Variants in DNAJC25 observed in about 807,000 individuals in gnomAD.
DNAJC25 encodes the protein DnaJ heat shock protein family (Hsp40) member C25, also known as dnaJ homolog subfamily C member 25.
Under a neutral mutation model 42.1 loss-of-function variants are expected in DNAJC25, and 26 were observed. The ratio of observed to expected loss-of-function variants is 0.62; its 90% CI spans 0.45 to 0.86. DNAJC25 has a LOEUF of 0.86. DNAJC25 is among the 40% of genes least tolerant of loss of function. DNAJC25 has a pLI of 0.00. For synonymous variants in DNAJC25, 189 were observed against 179.9 expected (o/e 1.05, Z -0.40); for missense variants, 404 against 459.4 (o/e 0.88, Z 1.10).
intron 2 of DNAJC25, 132 bp downstream of exon 2, chr9:111,647,391 T>C (rs1278408536): frequency 6.0e-6 from 7 of 1,162,928 alleles, no homozygotes; most frequent in Admixed American, 2.5e-5. Flanking sequence ...GTTTTAGTCA[T>C]TGGCAATGTT....
chr9:111,641,680 G>C (rs1830471455), intron 1 of DNAJC25, among the ~76,000 whole-genome samples: 3 of 141,118 alleles, frequency 2.1e-5, no homozygotes, highest in Non-Finnish European at 3.1e-5. Flanking sequence ...GAGGTGGGGG[G>C]GGGGTCAGCC....
intron 1 of DNAJC25, among the ~76,000 whole-genome samples, chr9:111,645,281 G>C (rs149711922): frequency 0.013 from 1,942 of 149,346 alleles, 19 homozygotes; most frequent in Non-Finnish European, 0.019. Context: ...TGGAGACAGA[G>C]TCTCGCTCTG....
At chr9:111,643,012 T>C in intron 1 of DNAJC25, 1 of 444,840 alleles carries the variant, frequency 2.2e-6, no homozygotes, top group Non-Finnish European at 4.7e-6. Context: ...GGTTTTGGTT[T>C]TGGAAAGAAG....
intron 1 of DNAJC25, 39 bp from the exon 2 acceptor site, chr9:111,647,068 G>T: frequency 6.3e-7 from 1 of 1,577,694 alleles, no homozygotes; most frequent in Middle Eastern, 1.9e-4. Flanking sequence ...GCCATTTAAT[G>T]GACTGTCCTA....
chr9:111,645,035 G>A (rs1259966914), intron 1 of DNAJC25, among the ~76,000 whole-genome samples: 1 of 152,202 alleles, frequency 6.6e-6, no homozygotes, highest in Non-Finnish European at 1.5e-5. Context: ...TTTGACTGAA[G>A]AGAACATACA....
chr9:111,636,455 C>T (rs1027129114), intron 1 of DNAJC25, among the ~76,000 whole-genome samples: 12 of 152,090 alleles, frequency 7.9e-5, no homozygotes, highest in South Asian at 6.2e-4. Context: ...TCATAGTAAT[C>T]GAATAATCAT....
At chr9:111,637,471 ATTC>A (rs1291720578) in intron 1 of DNAJC25, among the ~76,000 whole-genome samples, 1 of 152,198 alleles carries the variant, frequency 6.6e-6, no homozygotes, top group Non-Finnish European at 1.5e-5. Flanking sequence ...TTCTTCTGTC[ATTC>A]TTCTTCTGGA....
intron 1 of DNAJC25, among the ~76,000 whole-genome samples, chr9:111,642,603 C>A (rs370808184): frequency 4.6e-5 from 5 of 109,264 alleles, no homozygotes; most frequent in African/African-American, 2.3e-4. Flanking sequence ...CAAGAATTAT[C>A]AATAAATAAA....
chr9:111,631,366 T>C lies in DNAJC25; in HGVS notation c.-42T>C, dbSNP rs1039994661. On this transcript the variant is annotated 5_prime_UTR_variant, in exon 1 of 4. Transcript: ENST00000313525. Reference sequence around the variant, plus strand: ...ACTAGCCGGGCGCGCGGCTGAGTGCTGCAGAATCGCTGGGGTGGCAGAGCC... The same window carrying C: ...ACTAGCCGGGCGCGCGGCTGAGTGCCGCAGAATCGCTGGGGTGGCAGAGCC... 18 of 1,271,730 alleles carry C rather than the reference T, an allele frequency of 1.4e-5. No individual in the cohort carries two copies. In the African/African-American group the frequency reaches 2.5e-4, roughly 18 times the overall value. 78.8% of individuals were successfully genotyped at this position (1,271,730 alleles called of 1,614,324 possible). A position where few individuals can be genotyped will look rare whatever the true frequency, so the allele number is the denominator to read the frequency against.
chr9:111,635,454 C>T (rs78092736), intron 1 of DNAJC25, among the ~76,000 whole-genome samples: 10,210 of 152,076 alleles, frequency 0.067, 408 homozygotes, highest in African/African-American at 0.097. Flanking sequence ...GTAAATTGGA[C>T]GGTTATGAGT....
intron 3 of DNAJC25, among the ~76,000 whole-genome samples, chr9:111,651,908 CTG>C (rs1278751164): frequency 1.3e-5 from 2 of 150,680 alleles, no homozygotes; most frequent in Non-Finnish European, 2.9e-5. Context: ...AGTTTTAACT[CTG>C]TGGTTTATTT....
In DNAJC25 at chr9:111,649,567, A is replaced by C; in HGVS notation, c.604A>C (p.Lys202Gln). 6.2e-7 allele frequency: 1 copy of C among 1,614,168 alleles called. No individual in the cohort carries two copies. Among genetic ancestry groups the C allele is most frequent in the Non-Finnish European group, 8.5e-7 (1 of 1,180,014 alleles). Residue 202 changes from lysine (K) to glutamine (Q), a missense_variant, in exon 3 of 4, where the codon AAA (lysine) becomes CAA (glutamine). Transcript: ENST00000313525. ...GCAGCAGGGACTGCTCAAAAAAGCC[A>C]AAGAAAAAGGCAAAAACAAAAAGTC... ...AKQQGLLKKA[K>Q]EKGKNKKSKE...
At chr9:111,646,922 T>C (rs1830575071) in intron 1 of DNAJC25, 185 bp from the exon 2 acceptor site, 1 of 514,856 alleles carries the variant, frequency 1.9e-6, no homozygotes, top group East Asian at 3.5e-5. Flanking sequence ...ATATCTAACA[T>C]TGAAGTTCTG....
At chr9:111,652,796 C>T (rs1373606715) in intron 3 of DNAJC25, among the ~76,000 whole-genome samples, 3 of 152,080 alleles carry the variant, frequency 2.0e-5, no homozygotes, top group Admixed American at 2.0e-4. Context: ...ATCCACCCGC[C>T]TTGGCCTCCC....
At chr9:111,639,920 C>T (rs1240401950) in intron 1 of DNAJC25, among the ~76,000 whole-genome samples, 1 of 140,928 alleles carries the variant, frequency 7.1e-6, no homozygotes, top group Non-Finnish European at 1.5e-5. Context: ...CTCTCCCTCT[C>T]CCTCTCCCTC....
intron 1 of DNAJC25, among the ~76,000 whole-genome samples, chr9:111,633,657 A>G (rs1191324377): frequency 1.3e-5 from 2 of 152,102 alleles, no homozygotes; most frequent in Non-Finnish European, 2.9e-5. Flanking sequence ...TGGCATGAGA[A>G]TGGTGAGCAT....
At position 111,631,407 on chromosome 9, in the gene DNAJC25, G is replaced by A; in HGVS notation, c.-1G>A. On this transcript the variant is annotated 5_prime_UTR_variant, in exon 1 of 4. Transcript: ENST00000313525. ...TGGCAGAGCCGCCAGCGAGGCTGGGGATGGGGGCGCCGCTGCTCTCTCCCG... is the reference window on the plus strand; with the variant it reads ...TGGCAGAGCCGCCAGCGAGGCTGGGAATGGGGGCGCCGCTGCTCTCTCCCG... 4.7e-6 allele frequency: 6 copies of A among 1,278,456 alleles called. No individual in the cohort carries two copies. The highest frequency in any genetic ancestry group is 3.1e-5 in the East Asian group (1 of 31,808). The allele number at this position is 1,278,456 out of a possible 1,614,324, so 79.2% of individuals were successfully genotyped here.
At position 111,653,554 on chromosome 9, in the gene DNAJC25, G is replaced by A. The variant is rs1564088585; in HGVS notation, c.*332G>A. 6.1e-6 allele frequency: 1 copy of A among 165,250 alleles called. No homozygotes were observed. Among genetic ancestry groups the A allele is most frequent in the Non-Finnish European group, 1.3e-5 (1 of 77,238 alleles). 10.2% of individuals were successfully genotyped at this position (165,250 alleles called of 1,614,324 possible). ...ACCATTTAAAAATTTTATGTGTTAT[G>A]TGTTTATTCTTTGAGAATGTTACCT... On this transcript the variant is annotated 3_prime_UTR_variant, in exon 4 of 4. Transcript: ENST00000313525.
At chr9:111,650,105 C>G (rs552311275) in intron 3 of DNAJC25, among the ~76,000 whole-genome samples, 182 bp downstream of exon 3, 1 of 152,032 alleles carries the variant, frequency 6.6e-6, no homozygotes, top group Non-Finnish European at 1.5e-5. Flanking sequence ...GGTTTTTAAC[C>G]TGTAATTTCT....
Sources: allele counts gnomAD v4.1 joint callset (sites outside exome capture counted in the v4.1 genomes callset), GRCh38; gene constraint gnomAD v4.1.1; transcripts MANE v1.5; gene names NCBI Gene and HGNC (gene_info 2026-07-23, HGNC 2026-07-21).